ATP6V0A2: variants seen among roughly 807,000 people sequenced by gnomAD.
ATP6V0A2 encodes the protein V-type proton ATPase 116 kDa subunit a 2.
In ATP6V0A2, 58 loss-of-function variants were observed where a neutral mutation model predicts 104.4. The ratio of observed to expected loss-of-function variants is 0.56; its 90% CI spans 0.45 to 0.69. The LOEUF is 0.69. Among genes scored for constraint, ATP6V0A2 ranks in the 30% least tolerant of loss-of-function variants. ATP6V0A2 has a pLI of 0.00. For missense variants in ATP6V0A2, 938 were observed against 1,062.9 expected (o/e 0.88, Z 1.63); for synonymous variants, 376 against 397.9 (o/e 0.95, Z 0.65).
At chr12:123,719,473 G>A (rs1218303596) in intron 2 of ATP6V0A2, among the ~76,000 whole-genome samples, 2 of 151,056 alleles carry the variant, frequency 1.3e-5, no homozygotes, top group African/African-American at 2.4e-5. Context: ...TGCAGACTCC[G>A]CCTCCTGGGT....
chr12:123,736,580 T>C (rs1956556128), intron 8 of ATP6V0A2, among the ~76,000 whole-genome samples: 1 of 152,238 alleles, frequency 6.6e-6, no homozygotes, highest in African/African-American at 2.4e-5. Context: ...AAATTCATTT[T>C]TCTCTTGATG....
intron 1 of ATP6V0A2, among the ~76,000 whole-genome samples, chr12:123,713,186 C>T (rs1013737351): frequency 5.3e-5 from 8 of 151,838 alleles, no homozygotes; most frequent in East Asian, 1.9e-4. Context: ...AGGAGCCAGC[C>T]GTGGGGAAGA....
At chr12:123,736,340 C>T (rs1038979024) in intron 8 of ATP6V0A2, among the ~76,000 whole-genome samples, 15 of 151,874 alleles carry the variant, frequency 9.9e-5, no homozygotes, top group African/African-American at 1.7e-4. Context: ...TATAGGCATG[C>T]GCCACCACAC....
intron 1 of ATP6V0A2, among the ~76,000 whole-genome samples, chr12:123,716,177 A>C (rs774166572): frequency 6.6e-6 from 1 of 150,976 alleles, no homozygotes; most frequent in Non-Finnish European, 1.5e-5. Context: ...AGTGATTCTC[A>C]TGCCTCAGCC....
At chr12:123,727,646 C>T in intron 5 of ATP6V0A2, 137 bp from the exon 6 acceptor site, 1 of 985,138 alleles carries the variant, frequency 1.0e-6, no homozygotes. Context: ...CTGACCAGCA[C>T]CTGAGATGTT....
Position 123,744,407 on chromosome 12 carries a change from C to G in ATP6V0A2, c.1326+70C>G. 1.2e-6 allele frequency: 2 copies of G among 1,603,040 alleles called. No homozygotes were observed. The highest frequency in any genetic ancestry group is 2.2e-5 in the South Asian group (2 of 90,608). On this transcript the variant is annotated intron_variant, in intron 11 of 19. Coordinates refer to ENST00000330342, the MANE Select transcript of ATP6V0A2 (RefSeq NM_012463.4). The surrounding 1 kb of genome is among the most constrained non-coding windows in gnomAD (Gnocchi z 5.4). ...TTAGCAGTGACCGAAAGAGAGACAC[C>G]TCTTAGATGTTTGCTGTAGGCTGCG...
At chr12:123,750,966 G>C (rs372535326) in intron 15 of ATP6V0A2, 144 bp from the exon 16 acceptor site, 1 of 1,101,426 alleles carries the variant, frequency 9.1e-7, no homozygotes. Flanking sequence ...AAGAAAACCC[G>C]CTGGCAAGTG....
chr12:123,744,807 T>C lies in ATP6V0A2; in HGVS notation c.1514+23T>C. On this transcript the variant is annotated intron_variant, in intron 12 of 19. Coordinates refer to ENST00000330342, the MANE Select transcript of ATP6V0A2 (RefSeq NM_012463.4). This position sits in a 1 kb window ranked among gnomAD's most constrained non-coding sequence, Gnocchi z 5.4. Reference sequence around the variant, plus strand: ...GAAGTAAGTGTCCCATAGCTGGTGATGCTCTGGGTGGAAAGCATGTTTCCT... The same window carrying C: ...GAAGTAAGTGTCCCATAGCTGGTGACGCTCTGGGTGGAAAGCATGTTTCCT... 6.2e-7 allele frequency: 1 copy of C among 1,614,158 alleles called. No homozygotes were observed. The highest frequency in any genetic ancestry group is 8.5e-7 in the Non-Finnish European group (1 of 1,179,974).
chr12:123,743,987 C>G (rs773207283), intron 10 of ATP6V0A2, 52 bp downstream of exon 10: 82 of 1,607,506 alleles, frequency 5.1e-5, no homozygotes, highest in Non-Finnish European at 6.5e-5. Flanking sequence ...TTGTTGCATT[C>G]TTGCTCTAAG....
At position 123,744,138 on chromosome 12, in the gene ATP6V0A2, T is replaced by C. The variant is rs1203486187; in HGVS notation, c.1190-63T>C. 18 of 1,604,312 alleles carry C rather than the reference T, an allele frequency of 1.1e-5. No individual in the cohort carries two copies. The East Asian group carries it at 3.6e-4, about 32-fold the overall frequency. ...CAAGATTGTTATGTATCATTGTGTT[T>C]GAATGAACTCAGGTTTTCCATATTT... On this transcript the variant is annotated intron_variant, in intron 10 of 19. Transcript: ENST00000330342. This position sits in a 1 kb window ranked among gnomAD's most constrained non-coding sequence, Gnocchi z 5.4.
Position 123,761,237 on chromosome 12 carries a change from C to T in ATP6V0A2, c.*3205C>T, listed in dbSNP as rs1416089329. 6.6e-6 allele frequency: 1 copy of T among 152,190 alleles called. No homozygotes were observed. Among genetic ancestry groups the T allele is most frequent in the Non-Finnish European group, 1.5e-5 (1 of 68,056 alleles). The allele number at this position is 152,190 out of a possible 1,614,324, so 9.4% of individuals were successfully genotyped here. ...CAGTTGTTTAATAAGGCACAGAATA[C>T]CTGTAGCATAGGTCAGCCTTACGAT... On this transcript the variant is annotated 3_prime_UTR_variant, in exon 20 of 20. Coordinates refer to ENST00000330342, the MANE Select transcript of ATP6V0A2 (RefSeq NM_012463.4).
rs540882206 is a variant in ATP6V0A2 at position 123,747,715 on chromosome 12, T to C, written c.1714T>C (p.Phe572Leu). 1.3e-6 allele frequency: 2 copies of C among 1,587,632 alleles called. No individual in the cohort carries two copies. Among genetic ancestry groups the C allele is most frequent in the South Asian group, 1.1e-5 (1 of 90,482 alleles). The change falls in exon 14 of 20, where the codon TTT becomes CTT. Residue 572 changes from phenylalanine to leucine, a missense_variant. By Grantham distance (22) the Phe-to-Leu change is conservative. Transcript: ENST00000330342. ...HMTFGVILGIFNHLHFRKKFN... is the reference protein window; with the variant it reads ...HMTFGVILGILNHLHFRKKFN... ...GACTTTTGGAGTCATTCTGGGAATA[T>C]TTAACCACTTGTAAGTACAGATTTT...
chr12:123,737,295 G>A (rs1201325072), intron 9 of ATP6V0A2, 24 bp downstream of exon 9: 2 of 1,610,396 alleles, frequency 1.2e-6, no homozygotes, highest in Non-Finnish European at 8.5e-7. Context: ...CCTCTCCTCT[G>A]CCAGGAACAG....
chr12:123,733,811 G>A (rs1400709314), intron 6 of ATP6V0A2, 115 bp from the exon 7 acceptor site: 7 of 791,108 alleles, frequency 8.8e-6, no homozygotes, highest in Non-Finnish European at 1.6e-5. Context: ...CAAATAAGGA[G>A]TATTGACTGT....
At chr12:123,719,544 A>T (rs1262896116) in intron 2 of ATP6V0A2, among the ~76,000 whole-genome samples, 1 of 151,914 alleles carries the variant, frequency 6.6e-6, no homozygotes, top group Non-Finnish European at 1.5e-5. Context: ...GTGCCACCAC[A>T]CCTGGCTAAT....
At position 123,728,317 on chromosome 12, in the gene ATP6V0A2, C is replaced by T. The variant is rs117345348; in HGVS notation, c.648+408C>T. ...GCCCAGGCTGGTCTCAAACTCCTGG[C>T]CTCAAGCAATCCTCCCACGTAGGCC... On this transcript the variant is annotated intron_variant, in intron 6 of 19. Coordinates refer to ENST00000330342, the MANE Select transcript of ATP6V0A2 (RefSeq NM_012463.4). 8.2e-3 allele frequency among the ~76,000 whole-genome samples: 1,250 copies of T among 151,522 alleles called. 45 individuals carry two copies. In the East Asian group the frequency reaches 0.092, roughly 11 times the overall value.
intron 3 of ATP6V0A2, chr12:123,723,305 A>G (rs1956418086): frequency 6.6e-6 from 1 of 152,208 alleles, no homozygotes; most frequent in South Asian, 2.1e-4. Flanking sequence ...AAGGCAAAGC[A>G]GAAGTAATGA....
intron 9 of ATP6V0A2, among the ~76,000 whole-genome samples, chr12:123,741,949 C>A (rs1383601956): frequency 6.6e-6 from 1 of 152,104 alleles, no homozygotes; most frequent in South Asian, 2.1e-4. Flanking sequence ...GCAAACACGT[C>A]GGGTCCTGGA....
chr12:123,726,314 T>G (rs1201978989), intron 5 of ATP6V0A2, 29 bp downstream of exon 5: 10 of 1,507,820 alleles, frequency 6.6e-6, no homozygotes, highest in Non-Finnish European at 9.2e-6. Context: ...GGTGTCAGGC[T>G]TCATACTGCC....
Sources: gnomAD v4.1 joint callset for allele counts (sites outside exome capture counted in the v4.1 genomes callset) on GRCh38, gnomAD v4.1.1 for gene constraint, Gnocchi (gnomAD v3.1) non-coding constraint, MANE v1.5 for transcripts, NCBI Gene and HGNC (gene_info 2026-07-23, HGNC 2026-07-21) for gene names.